The following RANBP2 variants were observed in gnomAD, a reference collection of about 807,000 sequenced individuals.
RANBP2 encodes E3 SUMO-protein ligase RanBP2.
Under a neutral mutation model 303.6 loss-of-function variants are expected in RANBP2, and 57 were observed. The observed-to-expected ratio is 0.19, with a 90% CI of 0.15 to 0.23. The LOEUF is 0.23. Ranked by LOEUF, RANBP2 falls within the 10% of genes least tolerant of loss-of-function variation. The probability of loss-of-function intolerance (pLI) is 1.00; values close to 1 mark genes in which losing one functional copy is unlikely to be tolerated. For synonymous variants in RANBP2, 1,167 were observed against 1,301.5 expected (o/e 0.90, Z 2.23); for missense variants, 3,138 against 3,780.8 (o/e 0.83, Z 4.46).
chr2:108,913,017 C>T, the RANBP2 span, among the ~76,000 whole-genome samples: 4 of 149,762 alleles, frequency 2.7e-5, no homozygotes, highest in Non-Finnish European at 5.9e-5. Flanking sequence ...GGCGTGATCT[C>T]GGCTCACTGC....
chr2:109,203,431 G>T, the RANBP2 span, among the ~76,000 whole-genome samples: 1 of 152,158 alleles, frequency 6.6e-6, no homozygotes, highest in East Asian at 1.9e-4. Flanking sequence ...GTGGTCAGGC[G>T]ATCACTGTAT....
intron 1 of RANBP2, among the ~76,000 whole-genome samples, 190 bp downstream of exon 1, chr2:108,719,868 G>A (rs1694077728): frequency 6.6e-6 from 1 of 152,164 alleles, no homozygotes; most frequent in African/African-American, 2.4e-5. Flanking sequence ...ACAGCGGTGG[G>A]CGGGAGACCT....
At chr2:108,780,484 C>G (rs1053685568) in intron 25 of RANBP2, among the ~76,000 whole-genome samples, 17 of 150,798 alleles carry the variant, frequency 1.1e-4, no homozygotes, top group African/African-American at 3.4e-4. Context: ...CCTGCCCCAG[C>G]CTCCTGAGTA....
chr2:108,852,282 G>C, the RANBP2 span, among the ~76,000 whole-genome samples: 14 of 152,162 alleles, frequency 9.2e-5, no homozygotes, highest in African/African-American at 1.7e-4. Flanking sequence ...GGAAAGAAAG[G>C]AACACTTGTA....
chr2:109,737,302 G>A, the RANBP2 span: 7 of 665,680 alleles, frequency 1.1e-5, no homozygotes, highest in Non-Finnish European at 1.9e-5. Context: ...ATGCACCTTG[G>A]ATGTCACGGT....
chr2:108,987,624 C>T, the RANBP2 span, among the ~76,000 whole-genome samples: 3 of 152,222 alleles, frequency 2.0e-5, no homozygotes, highest in East Asian at 5.8e-4. Flanking sequence ...CTGGTCCTTC[C>T]AAGATTATCC....
the RANBP2 span, among the ~76,000 whole-genome samples, chr2:109,658,636 A>G: frequency 4.6e-5 from 7 of 152,050 alleles, no homozygotes; most frequent in East Asian, 1.4e-3. Context: ...AGAAAATTCA[A>G]TAAACTCTGG....
At chr2:109,231,132 T>A in the RANBP2 span, among the ~76,000 whole-genome samples, 1 of 152,248 alleles carries the variant, frequency 6.6e-6, no homozygotes, top group African/African-American at 2.4e-5. Context: ...TAGCATGGAC[T>A]TAGTGACCCC....
At chr2:109,348,914 G>T in the RANBP2 span, among the ~76,000 whole-genome samples, 1 of 152,144 alleles carries the variant, frequency 6.6e-6, no homozygotes, top group Non-Finnish European at 1.5e-5. Context: ...CCTACACAGG[G>T]AATTCTTCCC....
At chr2:108,781,116 C>T (rs537714989) in intron 25 of RANBP2, among the ~76,000 whole-genome samples, 153 bp from the exon 26 acceptor site, 11 of 152,052 alleles carry the variant, frequency 7.2e-5, no homozygotes, top group African/African-American at 2.2e-4. Flanking sequence ...GGATTACAGG[C>T]GTGAGGAATT....
At chr2:109,179,550 G>C in the RANBP2 span, among the ~76,000 whole-genome samples, 1 of 152,176 alleles carries the variant, frequency 6.6e-6, no homozygotes, top group East Asian at 1.9e-4. Flanking sequence ...CAGTTCTGGA[G>C]ACTGGGAAGT....
chr2:108,839,309 G>C, the RANBP2 span: 1 of 1,603,436 alleles, frequency 6.2e-7, no homozygotes, highest in South Asian at 1.1e-5. Flanking sequence ...CAGGTAATTG[G>C]TTAATAGGAA....
the RANBP2 span, among the ~76,000 whole-genome samples, chr2:109,126,916 C>T: frequency 2.6e-5 from 4 of 152,194 alleles, no homozygotes; most frequent in Non-Finnish European, 4.4e-5. Flanking sequence ...TATGCTCCCC[C>T]TTGTCTACCA....
At chr2:109,458,704 T>C in the RANBP2 span, among the ~76,000 whole-genome samples, 1 of 152,212 alleles carries the variant, frequency 6.6e-6, no homozygotes, top group Non-Finnish European at 1.5e-5. Context: ...TGCTGTGCAG[T>C]CTTGAGGCAG....
chr2:108,826,555 T>TA, the RANBP2 span, among the ~76,000 whole-genome samples: 1 of 152,190 alleles, frequency 6.6e-6, no homozygotes, highest in Non-Finnish European at 1.5e-5. Flanking sequence ...TGAAAATAAA[T>TA]ACAGTGTAAA....
chr2:108,740,188 T>C (rs1401794048), intron 6 of RANBP2, among the ~76,000 whole-genome samples: 2 of 152,206 alleles, frequency 1.3e-5, no homozygotes, highest in Admixed American at 6.5e-5. Context: ...CTCCCAACTT[T>C]ATCCTGGTTT....
chr2:109,039,412 G>A, the RANBP2 span, among the ~76,000 whole-genome samples: 4 of 152,152 alleles, frequency 2.6e-5, no homozygotes, highest in South Asian at 2.1e-4. Flanking sequence ...GTGCAGCAGC[G>A]CGATCTCAGT....
chr2:109,458,772 G>A, the RANBP2 span, among the ~76,000 whole-genome samples: 4 of 152,218 alleles, frequency 2.6e-5, no homozygotes, highest in East Asian at 3.8e-4. Flanking sequence ...CTGATTGGGC[G>A]AGGCCCACCC....
the RANBP2 span, among the ~76,000 whole-genome samples, chr2:109,576,792 A>C: frequency 1.3e-5 from 2 of 152,228 alleles, no homozygotes; most frequent in African/African-American, 2.4e-5. Flanking sequence ...TCTGGACAAA[A>C]AGATAAAAAA....
Sources: allele counts gnomAD v4.1 joint callset (sites outside exome capture counted in the v4.1 genomes callset), GRCh38; gene constraint gnomAD v4.1.1; transcripts MANE v1.5; gene names NCBI Gene and HGNC (gene_info 2026-07-23, HGNC 2026-07-21).